Variants in CFDP1 observed in about 807,000 individuals in gnomAD.
The protein encoded by CFDP1 is heterochromatin-stabilizing protein CFDP1.
In CFDP1, 31 loss-of-function variants were observed where a neutral mutation model predicts 40.1. The ratio of observed to expected loss-of-function variants is 0.77; its 90% CI spans 0.58 to 1.04. The LOEUF (loss-of-function observed/expected upper bound fraction) is 1.04. Among genes scored for constraint, CFDP1 ranks in the 50% least tolerant of loss-of-function variants. The pLI is 0.00. For missense variants in CFDP1, 423 were observed against 343.4 expected (o/e 1.23, Z -1.83); for synonymous variants, 167 against 120.0 (o/e 1.39, Z -2.56).
chr16:75,306,877 TCACACACACACA>T (rs59846343), intron 5 of CFDP1, among the ~76,000 whole-genome samples: 1 of 135,564 alleles, frequency 7.4e-6, no homozygotes, highest in African/African-American at 3.0e-5. Context: ...GTGCGCGTGA[TCACACACACACA>T]CACACACACA....
chr16:75,415,930 A>G (rs527971353), intron 1 of CFDP1, among the ~76,000 whole-genome samples: 7 of 152,152 alleles, frequency 4.6e-5, no homozygotes, highest in African/African-American at 1.7e-4. Context: ...TTGGCTCACT[A>G]CAACCTCTGC....
At chr16:75,352,353 C>T (rs897699179) in intron 5 of CFDP1, among the ~76,000 whole-genome samples, 2 of 150,762 alleles carry the variant, frequency 1.3e-5, no homozygotes, top group Non-Finnish European at 3.0e-5. Flanking sequence ...AAAAACAAAA[C>T]AAAACAAATT....
At chr16:75,388,920 C>T (rs1219786397) in intron 5 of CFDP1, among the ~76,000 whole-genome samples, 3 of 146,434 alleles carry the variant, frequency 2.0e-5, no homozygotes, top group African/African-American at 2.5e-5. Context: ...ACATTAAGGC[C>T]TTTTTTTTTT....
At chr16:75,336,332 G>T (rs3844219) in intron 5 of CFDP1, among the ~76,000 whole-genome samples, 123,395 of 152,102 alleles carry the variant, frequency 0.81, 50,300 homozygotes, top group Middle Eastern at 0.9. Context: ...AGGGAAGTTG[G>T]GCTGCAGCTA....
chr16:75,396,982 C>T (rs574584061), intron 4 of CFDP1, among the ~76,000 whole-genome samples: 4 of 151,980 alleles, frequency 2.6e-5, no homozygotes, highest in Non-Finnish European at 5.9e-5. Context: ...GGCGCAATCT[C>T]GGCTCACTGC....
In CFDP1 at chr16:75,349,686, A is replaced by ATATATAT. The variant is rs56373574; in HGVS notation, c.651-44505_651-44504insATATATA. On this transcript the variant is annotated intron_variant, in intron 5 of 6. Coordinates refer to ENST00000283882, the MANE Select transcript of CFDP1 (RefSeq NM_006324.3). ...AAAAAAAAAAAAAAAAAAAAAAAAA[A>ATATATAT]AAAAATATATATACATACATATATA... Among the ~76,000 whole-genome samples the ATATATAT allele has an allele frequency of 3.4e-4, 3 of 8,894 alleles. 1 individual carries two copies. The highest frequency in any genetic ancestry group is 7.2e-4 in the African/African-American group (2 of 2,770). The allele number at this position is 8,894 out of a possible 152,430, so 5.8% of individuals were successfully genotyped here.
intron 5 of CFDP1, among the ~76,000 whole-genome samples, chr16:75,336,091 TTTC>T (rs2078486112): frequency 6.6e-6 from 1 of 152,206 alleles, no homozygotes; most frequent in African/African-American, 2.4e-5. Flanking sequence ...CCTCTGCCCT[TTTC>T]TTCTTTCCTA....
chr16:75,394,046 C>G (rs996920777), intron 5 of CFDP1, among the ~76,000 whole-genome samples: 2 of 152,080 alleles, frequency 1.3e-5, no homozygotes, highest in African/African-American at 2.4e-5. Context: ...CAGAGCGAGA[C>G]TCCACCTCAA....
chr16:75,327,183 C>T (rs1020244362), intron 5 of CFDP1, among the ~76,000 whole-genome samples: 3 of 152,116 alleles, frequency 2.0e-5, no homozygotes, highest in African/African-American at 7.2e-5. Flanking sequence ...AGGAGAATAG[C>T]GTGAACCCGG....
rs375080685 is a variant in CFDP1, at chr16:75,355,444, T to C, written c.650+39646A>G. ...AAATCCTTTGCTGTCATTTCAACAA[T>C]GTTGACAGCATCTTCACCAGGAGTA... On this transcript the variant is annotated intron_variant, in intron 5 of 6. Transcript: ENST00000283882. Among the ~76,000 whole-genome samples, 13 of 152,348 alleles carry C rather than the reference T, an allele frequency of 8.5e-5. No individual in the cohort carries two copies. The East Asian group carries it at 1.9e-3, about 23-fold the overall frequency.
At chr16:75,400,813 A>C (rs897281605) in intron 4 of CFDP1, among the ~76,000 whole-genome samples, 6 of 152,236 alleles carry the variant, frequency 3.9e-5, no homozygotes, top group African/African-American at 1.4e-4. Flanking sequence ...AATGTACTGT[A>C]TTATGCTACT....
At chr16:75,358,338 A>AT (rs1488122411) in intron 5 of CFDP1, among the ~76,000 whole-genome samples, 2 of 152,270 alleles carry the variant, frequency 1.3e-5, no homozygotes, top group Non-Finnish European at 1.5e-5. Context: ...TACATATAGG[A>AT]ACTCTCCATG....
At chr16:75,302,362 G>A (rs2078227098) in intron 6 of CFDP1, among the ~76,000 whole-genome samples, 1 of 152,182 alleles carries the variant, frequency 6.6e-6, no homozygotes, top group Non-Finnish European at 1.5e-5. Flanking sequence ...CTGGAGGTGA[G>A]CAATCCTCAC....
rs778352253 is a variant in CFDP1, at chr16:75,412,701, T to C, written c.236A>G (p.Asn79Ser). 2.8e-5 allele frequency: 45 copies of C among 1,614,012 alleles called. No homozygotes were observed. In the Admixed American group the frequency reaches 3.3e-4, roughly 12 times the overall value. Residue 79 changes from asparagine to serine, a missense_variant, in exon 3 of 7, where the codon AAT becomes AGT. Coordinates refer to ENST00000283882, the MANE Select transcript of CFDP1 (RefSeq NM_006324.3). ...SLEEEEEEDA[N>S]SESEGSSSEE... The stretch of plus-strand genomic sequence containing the variant: ...ACTACTGCTTCCCTCAGATTCTGAA[T>C]TGGCATCCTCCTCTTCCTCTTCTTC...
At chr16:75,403,432 T>G (rs1008790142) in intron 4 of CFDP1, among the ~76,000 whole-genome samples, 9 of 152,310 alleles carry the variant, frequency 5.9e-5, no homozygotes, top group African/African-American at 2.2e-4. Context: ...TTGCCCAGGC[T>G]GGTCTTCAAC....
chr16:75,338,253 G>A (rs1294799247), intron 5 of CFDP1, among the ~76,000 whole-genome samples: 2 of 152,206 alleles, frequency 1.3e-5, no homozygotes, highest in Non-Finnish European at 2.9e-5. Context: ...GGGAAAAAGA[G>A]CCTCTGCCTG....
At chr16:75,311,589 A>C (rs1016773755) in intron 5 of CFDP1, among the ~76,000 whole-genome samples, 3 of 152,208 alleles carry the variant, frequency 2.0e-5, no homozygotes, top group Admixed American at 2.0e-4. Context: ...TGTGTACAGA[A>C]GCACCACTGA....
At chr16:75,363,438 C>T (rs2078693009) in intron 5 of CFDP1, among the ~76,000 whole-genome samples, 1 of 151,612 alleles carries the variant, frequency 6.6e-6, no homozygotes, top group African/African-American at 2.4e-5. Flanking sequence ...CTCTGTCGCC[C>T]AGGCTGGAGT....
chr16:75,313,447 A>G (rs1228465202), intron 5 of CFDP1, among the ~76,000 whole-genome samples: 1 of 152,114 alleles, frequency 6.6e-6, no homozygotes, highest in Non-Finnish European at 1.5e-5. Context: ...CTCCTGCCTC[A>G]GCCTCCTGAT....
Sources: gnomAD v4.1 joint callset for allele counts (sites outside exome capture counted in the v4.1 genomes callset) on GRCh38, gnomAD v4.1.1 for gene constraint, MANE v1.5 for transcripts, NCBI Gene and HGNC (gene_info 2026-07-23, HGNC 2026-07-21) for gene names.